The following ZNF831 variants were observed in gnomAD, a reference collection of about 807,000 sequenced individuals.
The protein encoded by ZNF831 is zinc finger protein 831.
A neutral mutation model predicts 95.8 loss-of-function variants in ZNF831; 59 were observed. The ratio of observed to expected loss-of-function variants is 0.62; its 90% CI spans 0.50 to 0.77. The LOEUF (loss-of-function observed/expected upper bound fraction) is 0.77. Ranked by LOEUF, ZNF831 falls within the 30% of genes least tolerant of loss-of-function variation. ZNF831 has a pLI of 0.00. For missense variants in ZNF831, 2,205 were observed against 2,164.0 expected (o/e 1.02, Z -0.38); for synonymous variants, 961 against 925.5 (o/e 1.04, Z -0.70).
intron 2 of ZNF831, among the ~76,000 whole-genome samples, chr20:59,195,254 A>C (rs571490586): frequency 6.6e-6 from 1 of 152,288 alleles, no homozygotes; most frequent in South Asian, 2.1e-4. Context: ...AATGTGGTGG[A>C]TGCTCACAGG....
At chr20:59,253,869 C>CCCTTTTT in intron 5 of ZNF831, 29 bp from the exon 6 acceptor site, 13 of 1,067,574 alleles carry the variant, frequency 1.2e-5, no homozygotes, top group South Asian at 1.2e-4. Context: ...TCCCCCCCCA[C>CCCTTTTT]TTTTTTTTTC....
At chr20:59,213,217 T>C (rs150274584) in intron 4 of ZNF831, among the ~76,000 whole-genome samples, 4 of 152,354 alleles carry the variant, frequency 2.6e-5, no homozygotes, top group East Asian at 3.9e-4. Flanking sequence ...TATGTCCTCA[T>C]CAATACTTGA....
At chr20:59,244,688 G>A (rs965504803) in intron 4 of ZNF831, among the ~76,000 whole-genome samples, 5 of 152,174 alleles carry the variant, frequency 3.3e-5, no homozygotes, top group Admixed American at 2.0e-4. Context: ...AATACAGACA[G>A]ACACCTTTTG....
At chr20:59,183,200 C>T (rs771493473) in intron 1 of ZNF831, among the ~76,000 whole-genome samples, 73 of 152,312 alleles carry the variant, frequency 4.8e-4, no homozygotes, top group African/African-American at 9.9e-4. Flanking sequence ...GGCCACCTAA[C>T]GAAAGTCTGT....
chr20:59,236,936 A>G lies in ZNF831; in HGVS notation c.4028-16042A>G, dbSNP rs536721519. On this transcript the variant is annotated intron_variant, in intron 4 of 5. Coordinates refer to ENST00000371030, the MANE Select transcript of ZNF831 (RefSeq NM_178457.3). ...TATGAGCATAACAAAACTCTCATCT[A>G]GAAAATGTTCCCGAACCTGCAATTA... Among the ~76,000 whole-genome samples the G allele has an allele frequency of 2.6e-5, 4 of 152,150 alleles. No homozygotes were observed. In the South Asian group the frequency reaches 8.3e-4, roughly 32 times the overall value.
chr20:59,253,880 C>CTTTTCACTTT lies in ZNF831; in HGVS notation c.4189-15_4189-14insTCACTTTTTT. 1.6e-6 allele frequency: 1 copy of CTTTTCACTTT among 621,698 alleles called. No individual in the cohort carries two copies. Among genetic ancestry groups the CTTTTCACTTT allele is most frequent in the African/African-American group, 2.7e-5 (1 of 37,396 alleles). 38.5% of individuals were successfully genotyped at this position (621,698 alleles called of 1,614,324 possible). On this transcript the variant is annotated splice_polypyrimidine_tract_variant and intron_variant, in intron 5 of 5. Coordinates refer to ENST00000371030, the MANE Select transcript of ZNF831 (RefSeq NM_178457.3). The stretch of plus-strand genomic sequence containing the variant: ...AACCTCCCCCCCCACTTTTTTTTTC[C>CTTTTCACTTT]TTTGCACTTTGTTGCAGGATATTTC...
At chr20:59,152,735 C>G (rs1470650864) in intron 2 of ZNF831, among the ~76,000 whole-genome samples, 1 of 152,096 alleles carries the variant, frequency 6.6e-6, no homozygotes, top group African/African-American at 2.4e-5. Flanking sequence ...CACTTCAGGC[C>G]TTGAGTACAG....
At chr20:59,168,354 G>A (rs945848696) in intron 1 of ZNF831, among the ~76,000 whole-genome samples, 4 of 150,976 alleles carry the variant, frequency 2.6e-5, no homozygotes, top group Non-Finnish European at 5.9e-5. Context: ...TTTAATTTTG[G>A]TTTTCAACCA....
intron 1 of ZNF831, among the ~76,000 whole-genome samples, chr20:59,130,472 C>A (rs995051068): frequency 1.3e-5 from 2 of 152,218 alleles, no homozygotes; most frequent in Non-Finnish European, 2.9e-5. Flanking sequence ...TCACCCTACA[C>A]ATTGCTGGGG....
At chr20:59,186,486 A>G (rs1396711831) in intron 1 of ZNF831, among the ~76,000 whole-genome samples, 1 of 152,204 alleles carries the variant, frequency 6.6e-6, no homozygotes, top group African/African-American at 2.4e-5. Flanking sequence ...GTGTTTTCAC[A>G]TAACTTATTT....
upstream of ZNF831, among the ~76,000 whole-genome samples, chr20:59,161,521 C>T (rs542922526): frequency 7.9e-5 from 12 of 152,296 alleles, no homozygotes; most frequent in East Asian, 9.6e-4. Context: ...TCAAGTGATC[C>T]GCCTGCCTTG....
chr20:59,149,648 G>C (rs1463837278), intron 2 of ZNF831, among the ~76,000 whole-genome samples: 1 of 152,246 alleles, frequency 6.6e-6, no homozygotes, highest in East Asian at 1.9e-4. Context: ...CTGTCGGAGA[G>C]AGAGGCTGCA....
intron 5 of ZNF831, among the ~76,000 whole-genome samples, chr20:59,253,514 C>T (rs1988008665): frequency 6.6e-6 from 1 of 152,102 alleles, no homozygotes; most frequent in South Asian, 2.1e-4. Context: ...GAAAAACACT[C>T]ATCCGGAAAA....
chr20:59,205,881 A>C (rs973615211), intron 3 of ZNF831, among the ~76,000 whole-genome samples: 1 of 152,216 alleles, frequency 6.6e-6, no homozygotes. Flanking sequence ...GTGGTTGCAC[A>C]TTCCTATTAG....
intron 4 of ZNF831, among the ~76,000 whole-genome samples, chr20:59,211,440 C>G (rs145545361): frequency 3.9e-4 from 60 of 152,240 alleles, no homozygotes; most frequent in Non-Finnish European, 7.8e-4. Context: ...AGAGAGGGAA[C>G]CGGGAAGGCT....
chr20:59,231,525 AT>A (rs1986722362), intron 4 of ZNF831, among the ~76,000 whole-genome samples: 1 of 152,212 alleles, frequency 6.6e-6, no homozygotes, highest in Admixed American at 6.5e-5. Flanking sequence ...TTAAAAAAAA[AT>A]GACAGACTTT....
chr20:59,173,353 A>G (rs544465733), intron 1 of ZNF831, among the ~76,000 whole-genome samples: 15 of 152,356 alleles, frequency 9.8e-5, no homozygotes, highest in Admixed American at 2.6e-4. Context: ...CCCTGTGGCT[A>G]CAAAAATGAG....
intron 4 of ZNF831, among the ~76,000 whole-genome samples, chr20:59,228,185 T>C (rs1339004494): frequency 6.6e-6 from 1 of 152,176 alleles, no homozygotes; most frequent in East Asian, 1.9e-4. Context: ...CAAACCACGC[T>C]AAAACTCAGT....
chr20:59,169,670 C>G lies in ZNF831; in HGVS notation c.-37+5463C>G, dbSNP rs1981569882. Among the ~76,000 whole-genome samples the G allele has an allele frequency of 1.3e-5, 2 of 152,028 alleles. No individual in the cohort carries two copies. The highest frequency in any genetic ancestry group is 4.8e-5 in the African/African-American group (2 of 41,354). On this transcript the variant is annotated intron_variant, in intron 1 of 5. Coordinates refer to ENST00000371030, the MANE Select transcript of ZNF831 (RefSeq NM_178457.3). This position sits in a 1 kb window ranked among gnomAD's most constrained non-coding sequence, Gnocchi z 4.1. ...AATCCCAGCATGTTGCAAGCTGAGG[C>G]AGGAGGATCAGTTGAGGTCAGGAGT...
Sources: gnomAD v4.1 joint callset for allele counts (sites outside exome capture counted in the v4.1 genomes callset) on GRCh38, gnomAD v4.1.1 for gene constraint, Gnocchi (gnomAD v3.1) non-coding constraint, MANE v1.5 for transcripts, NCBI Gene and HGNC (gene_info 2026-07-23, HGNC 2026-07-21) for gene names.